Variants in POLR3G observed in about 807,000 individuals in gnomAD.
POLR3G encodes DNA-directed RNA polymerase III subunit RPC7.
A neutral mutation model predicts 30.1 loss-of-function variants in POLR3G; 28 were observed. The observed-to-expected ratio is 0.93, with a 90% CI of 0.69 to 1.27. The LOEUF (loss-of-function observed/expected upper bound fraction) is 1.27. POLR3G is among the 50% of genes most tolerant of loss of function. POLR3G has a pLI of 0.00. For synonymous variants in POLR3G, 79 were observed against 82.5 expected (o/e 0.96, Z 0.23); for missense variants, 254 against 264.6 (o/e 0.96, Z 0.28).
intron 1 of POLR3G, among the ~76,000 whole-genome samples, chr5:90,477,613 C>T (rs1750899832): frequency 1.3e-5 from 2 of 152,154 alleles, no homozygotes; most frequent in South Asian, 4.1e-4. Context: ...AGGAATAATA[C>T]CGTGACTTGA....
intron 2 of POLR3G, among the ~76,000 whole-genome samples, chr5:90,486,112 C>T (rs1751427805): frequency 6.6e-6 from 1 of 152,154 alleles, no homozygotes; most frequent in African/African-American, 2.4e-5. Flanking sequence ...CTTTTTCCCC[C>T]ACTGAACTTT....
intron 6 of POLR3G, among the ~76,000 whole-genome samples, 198 bp from the exon 7 acceptor site, chr5:90,506,330 A>T (rs1752483006): frequency 6.6e-6 from 1 of 152,214 alleles, no homozygotes; most frequent in South Asian, 2.1e-4. Flanking sequence ...TAACAAAATC[A>T]AAGAAAATGC....
At position 90,509,000 on chromosome 5, in the gene POLR3G, G is replaced by T. The variant is rs548512500; in HGVS notation, c.585+2326G>T. Among the ~76,000 whole-genome samples, 104 of 152,270 alleles carry T rather than the reference G, an allele frequency of 6.8e-4. 1 individual carries two copies. Among genetic ancestry groups the T allele is most frequent in the Admixed American group, 2.6e-3 (40 of 15,304 alleles). On this transcript the variant is annotated intron_variant, in intron 7 of 7. Coordinates refer to ENST00000651687, the MANE Select transcript of POLR3G (RefSeq NM_006467.3). ...CACTTGAACCCAGAAAGCAGAGGTC[G>T]CAGTGAGCTGAGATCGTGCCACTGC...
intron 1 of POLR3G, among the ~76,000 whole-genome samples, chr5:90,476,477 C>T (rs1192264849): frequency 1.3e-5 from 2 of 152,162 alleles, no homozygotes; most frequent in African/African-American, 4.8e-5. Context: ...TGAGGAGTGG[C>T]TTTTGAGCTG....
intron 3 of POLR3G, among the ~76,000 whole-genome samples, chr5:90,488,543 C>T (rs1432047616): frequency 3.3e-5 from 5 of 152,012 alleles, no homozygotes; most frequent in Non-Finnish European, 7.4e-5. Context: ...TTTCACATAT[C>T]CTTATTATTC....
In POLR3G at chr5:90,514,199, TGA is replaced by T. The variant is rs778476462; in HGVS notation, c.*2062_*2063del. 6.6e-6 allele frequency: 1 copy of T among 152,206 alleles called. No homozygotes were observed. Among genetic ancestry groups the T allele is most frequent in the South Asian group, 2.1e-4 (1 of 4,834 alleles). 9.4% of individuals were successfully genotyped at this position (152,206 alleles called of 1,614,324 possible). A position where few individuals can be genotyped will look rare whatever the true frequency, so the allele number is the denominator to read the frequency against. On this transcript the variant is annotated 3_prime_UTR_variant, in exon 8 of 8. Transcript: ENST00000651687. Reference sequence around the variant, plus strand: ...GGATTTGCAGGTTGCTTTACCAGCATGAGTCTCATTTTTCTGGCTTAAAATCT... The same window carrying T: ...GGATTTGCAGGTTGCTTTACCAGCATGTCTCATTTTTCTGGCTTAAAATCT...
At chr5:90,497,792 T>A in intron 5 of POLR3G, 86 bp downstream of exon 5, 1 of 1,454,370 alleles carries the variant, frequency 6.9e-7, no homozygotes, top group Non-Finnish European at 9.3e-7. Flanking sequence ...CCCAAAGTTA[T>A]ACTCACTGTT....
chr5:90,500,018 G>A (rs1055432105), intron 5 of POLR3G, among the ~76,000 whole-genome samples: 1 of 152,134 alleles, frequency 6.6e-6, no homozygotes, highest in Non-Finnish European at 1.5e-5. Flanking sequence ...GTTCATTTTG[G>A]AAGAGTTAAT....
In POLR3G at chr5:90,506,672, G is replaced by A. The variant is rs751745522; in HGVS notation, c.583G>A (p.Glu195Lys). 1.4e-5 allele frequency: 22 copies of A among 1,603,236 alleles called. No individual in the cohort carries two copies. The highest frequency in any genetic ancestry group is 1.7e-5 in the Admixed American group (1 of 58,532). ...QEEYDEEEQE[E>K]ENDYINSYFE... ...GGAATATGATGAAGAAGAGCAAGAA[G>A]AGGTAATGGTTCATTTGGGGATGGT... Residue 195 changes from glutamate to lysine, a missense_variant and splice_region_variant, in exon 7 of 8, where the codon GAG (glutamate) becomes AAG (lysine). Transcript: ENST00000651687.
At chr5:90,490,146 G>T (rs946427435) in intron 3 of POLR3G, among the ~76,000 whole-genome samples, 1 of 151,994 alleles carries the variant, frequency 6.6e-6, no homozygotes, top group African/African-American at 2.4e-5. Context: ...GCATTTATGT[G>T]AGTGTTTTAG....
Position 90,512,275 on chromosome 5 carries a change from C to G in POLR3G, c.*136C>G. ...GACAAATAGTTGTTACCAAAATATT[C>G]AAAACCACTTTGAGTTTACATACTA... On this transcript the variant is annotated 3_prime_UTR_variant, in exon 8 of 8. Coordinates refer to ENST00000651687, the MANE Select transcript of POLR3G (RefSeq NM_006467.3). The G allele has an allele frequency of 1.6e-6, 1 of 607,502 alleles. No individual in the cohort carries two copies. Among genetic ancestry groups the G allele is most frequent in the Non-Finnish European group, 2.9e-6 (1 of 339,292 alleles). 37.6% of individuals were successfully genotyped at this position (607,502 alleles called of 1,614,324 possible).
intron 3 of POLR3G, among the ~76,000 whole-genome samples, chr5:90,494,558 A>T (rs1033679804): frequency 3.4e-5 from 5 of 148,028 alleles, no homozygotes; most frequent in African/African-American, 1.3e-4. Flanking sequence ...AACATTTCTT[A>T]TTTTTTTTTT....
chr5:90,485,902 A>G (rs985173668), intron 2 of POLR3G, among the ~76,000 whole-genome samples: 1 of 152,220 alleles, frequency 6.6e-6, no homozygotes, highest in Non-Finnish European at 1.5e-5. Context: ...ATTTAGTACT[A>G]TGTGAACCAG....
At chr5:90,476,690 A>T (rs1036792725) in intron 1 of POLR3G, among the ~76,000 whole-genome samples, 2 of 152,214 alleles carry the variant, frequency 1.3e-5, no homozygotes, top group Non-Finnish European at 2.9e-5. Context: ...CATAAAAAGG[A>T]GAATAAGTTT....
chr5:90,478,184 A>G (rs1561245266), intron 1 of POLR3G, among the ~76,000 whole-genome samples: 1 of 146,152 alleles, frequency 6.8e-6, no homozygotes, highest in Non-Finnish European at 1.5e-5. Flanking sequence ...TTGTTTTGGT[A>G]GTTGATTAAA....
At chr5:90,509,917 A>G (rs922213191) in intron 7 of POLR3G, among the ~76,000 whole-genome samples, 19 of 152,164 alleles carry the variant, frequency 1.2e-4, no homozygotes, top group Non-Finnish European at 4.4e-5. Context: ...TCATGTTTAT[A>G]TTTTAGAAAG....
chr5:90,480,620 C>T (rs527592869), intron 1 of POLR3G, among the ~76,000 whole-genome samples: 22 of 152,238 alleles, frequency 1.4e-4, no homozygotes, highest in Non-Finnish European at 2.9e-4. Flanking sequence ...TTTCCAGGGC[C>T]CACCTCCAAA....
chr5:90,512,132 C>T lies in POLR3G; in HGVS notation c.665C>T (p.Thr222Ile), dbSNP rs1752769290. ...AGTGATGACAACATGGATGAGGCAA[C>T]CTATTAGGCATGAAATTTTTCAAAA... ...ADSDDNMDEA[T>I]Y Residue 222 changes from threonine to isoleucine, a missense_variant, in exon 8 of 8, where the codon ACC (threonine) becomes ATC (isoleucine). By Grantham distance (89) the Thr-to-Ile change is moderately conservative. Coordinates refer to ENST00000651687, the MANE Select transcript of POLR3G (RefSeq NM_006467.3). 2 of 1,590,712 alleles carry T rather than the reference C, an allele frequency of 1.3e-6. No homozygotes were observed. Among genetic ancestry groups the T allele is most frequent in the South Asian group, 1.1e-5 (1 of 90,486 alleles).
chr5:90,512,122 G>A lies in POLR3G; in HGVS notation c.655G>A (p.Asp219Asn), dbSNP rs1224084218. The A allele has an allele frequency of 1.9e-6, 3 of 1,602,492 alleles. No homozygotes were observed. In the South Asian group the frequency reaches 3.3e-5, roughly 18 times the overall value. The change falls in exon 8 of 8, where the codon GAT (aspartate) becomes AAT (asparagine). Residue 219 changes from aspartate to asparagine, a missense_variant. Transcript: ENST00000651687. ...DFGADSDDNM[D>N]EATY ...TGGCGCAGACAGTGATGACAACATG[G>A]ATGAGGCAACCTATTAGGCATGAAA...
Sources: allele counts gnomAD v4.1 joint callset (sites outside exome capture counted in the v4.1 genomes callset), GRCh38; gene constraint gnomAD v4.1.1; transcripts MANE v1.5; gene names NCBI Gene and HGNC (gene_info 2026-07-23, HGNC 2026-07-21).